The following MARCHF6 variants were observed in gnomAD, a reference collection of about 807,000 sequenced individuals.
MARCHF6 encodes E3 ubiquitin-protein ligase MARCHF6.
In MARCHF6, 31 loss-of-function variants were observed where a neutral mutation model predicts 133.7. The observed-to-expected ratio is 0.23, with a 90% confidence interval of 0.17 to 0.31. The LOEUF is 0.31. Ranked by LOEUF, MARCHF6 falls within the 10% of genes least tolerant of loss-of-function variation. The pLI, the probability that MARCHF6 is intolerant of heterozygous loss-of-function variation, is 1.00. For missense variants in MARCHF6, 723 were observed against 1,121.6 expected, an observed-to-expected ratio of 0.64 and a Z score of 5.08; for synonymous variants, 395 against 402.5, an observed-to-expected ratio of 0.98 and a Z score of 0.22.
At chr5:10,404,975 G>T (rs916054799) in intron 15 of MARCHF6, among the ~76,000 whole-genome samples, 5 of 152,094 alleles carry the variant, frequency 3.3e-5, no homozygotes, top group African/African-American at 1.2e-4. Flanking sequence ...GGTTTTTGTT[G>T]ATATAAAATT....
chr5:10,418,382 A>C lies in MARCHF6; in HGVS notation c.2283+978A>C, dbSNP rs1428232161. Reference sequence around the variant, plus strand: ...GCGACAAGAGTGAGACCCTGTCTCCAAAAAAAAAAAAAAAACCAAGAGCAT... The same window carrying C: ...GCGACAAGAGTGAGACCCTGTCTCCCAAAAAAAAAAAAAAACCAAGAGCAT... On this transcript the variant is annotated intron_variant, in intron 22 of 25. Transcript: ENST00000274140. 4.6e-5 allele frequency among the ~76,000 whole-genome samples: 4 copies of C among 86,344 alleles called. No individual in the cohort carries two copies. In the East Asian group the frequency reaches 8.4e-4, roughly 18 times the overall value. The allele number at this position is 86,344 out of a possible 152,430, so 56.6% of individuals were successfully genotyped here.
At chr5:10,406,817 G>A (rs1738919393) in intron 16 of MARCHF6, among the ~76,000 whole-genome samples, 2 of 152,186 alleles carry the variant, frequency 1.3e-5, no homozygotes, top group African/African-American at 2.4e-5. Flanking sequence ...CTCATTTTAA[G>A]TTTCCAGCTC....
chr5:10,402,604 C>A lies in MARCHF6; in HGVS notation c.1194C>A (p.Ser398=), dbSNP rs770437126. 2 of 1,611,744 alleles carry A rather than the reference C, an allele frequency of 1.2e-6. No individual in the cohort carries two copies. The highest frequency in any genetic ancestry group is 1.7e-6 in the Non-Finnish European group (2 of 1,178,050). Residue 398 remains serine, a synonymous_variant, in exon 14 of 26, where the codon TCC becomes TCA. Coordinates refer to ENST00000274140, the MANE Select transcript of MARCHF6 (RefSeq NM_005885.4). Reference sequence around the variant, plus strand: ...GTGGTTGGTGGCTGGATATCTGTTCCTTGGTAAGTTGAGTATTCATTATTG... The same window carrying A: ...GTGGTTGGTGGCTGGATATCTGTTCATTGGTAAGTTGAGTATTCATTATTG... The part of the protein sequence containing the change: ...LICGWWLDIC[S]LEMFDATLKD...
chr5:10,393,460 T>C (rs1179676402), intron 7 of MARCHF6, among the ~76,000 whole-genome samples: 1 of 152,122 alleles, frequency 6.6e-6, no homozygotes, highest in African/African-American at 2.4e-5. Flanking sequence ...AAAAAGCGAC[T>C]TGTGTAATGG....
rs1016972989 is a variant in MARCHF6, at chr5:10,434,090, T to C, written c.*406T>C. The C allele has an allele frequency of 5.5e-6, 1 of 180,560 alleles. No homozygotes were observed. The highest frequency in any genetic ancestry group is 2.4e-5 in the African/African-American group (1 of 41,830). 11.2% of individuals were successfully genotyped at this position (180,560 alleles called of 1,614,324 possible). A position where few individuals can be genotyped will look rare whatever the true frequency, so the allele number is the denominator to read the frequency against. The stretch of plus-strand genomic sequence containing the variant: ...TTCAGTGACGCCTTGTGGAACGCAG[T>C]TCATGATGTCCTAGCAGCTCTCACT... On this transcript the variant is annotated 3_prime_UTR_variant, in exon 26 of 26. Transcript: ENST00000274140.
chr5:10,409,990 G>T, intron 17 of MARCHF6, 149 bp from the exon 18 acceptor site: 1 of 816,448 alleles, frequency 1.2e-6, no homozygotes, highest in Non-Finnish European at 1.9e-6. Context: ...GGAGTTTGTG[G>T]GGAAAGCCTC....
intron 4 of MARCHF6, among the ~76,000 whole-genome samples, chr5:10,386,008 G>C (rs753385559): frequency 5.3e-5 from 8 of 151,396 alleles, no homozygotes; most frequent in Non-Finnish European, 8.8e-5. Context: ...TTCCATGTAC[G>C]TGAGTGTTGT....
rs141191909 is a variant in MARCHF6, at chr5:10,390,994, T to C, written c.576+494T>C. Among the ~76,000 whole-genome samples the C allele has an allele frequency of 2.0e-5, 3 of 152,358 alleles. No individual in the cohort carries two copies. The East Asian group carries it at 5.8e-4, about 29-fold the overall frequency. On this transcript the variant is annotated intron_variant, in intron 6 of 25. Coordinates refer to ENST00000274140, the MANE Select transcript of MARCHF6 (RefSeq NM_005885.4). ...TCCGCTAAATTATACTGAATGAATA[T>C]GTACACGTGTTATGAAGTGAGGTTG...
At chr5:10,430,148 A>T (rs1740294117) in intron 25 of MARCHF6, 120 bp downstream of exon 25, 4 of 1,191,774 alleles carry the variant, frequency 3.4e-6, no homozygotes, top group Non-Finnish European at 4.7e-6. Context: ...TGGAGGTGGG[A>T]TTAGCAAGGT....
chr5:10,361,149 A>G (rs1735798887), intron 1 of MARCHF6, among the ~76,000 whole-genome samples: 1 of 152,354 alleles, frequency 6.6e-6, no homozygotes, highest in South Asian at 2.1e-4. Flanking sequence ...AAAGAATGGA[A>G]AAGAAGAAAT....
chr5:10,365,837 T>C (rs929170782), intron 1 of MARCHF6, among the ~76,000 whole-genome samples: 1 of 152,208 alleles, frequency 6.6e-6, no homozygotes, highest in African/African-American at 2.4e-5. Flanking sequence ...TTTTGCATTT[T>C]CTTCTTTAGG....
chr5:10,420,342 G>C (rs2126316085), intron 22 of MARCHF6, among the ~76,000 whole-genome samples: 1 of 152,258 alleles, frequency 6.6e-6, no homozygotes, highest in Middle Eastern at 3.4e-3. Context: ...TAATTTGCAG[G>C]TATGTTACAT....
At chr5:10,410,043 T>G (rs1187746072) in intron 17 of MARCHF6, 96 bp from the exon 18 acceptor site, 1 of 1,265,702 alleles carries the variant, frequency 7.9e-7, no homozygotes, top group Admixed American at 1.9e-5. Flanking sequence ...ATAAAGACAG[T>G]AAGTTTATTA....
At chr5:10,391,436 GTTTTTTTTTTTT>G (rs35378319) in intron 6 of MARCHF6, 94 bp from the exon 7 acceptor site, 12 of 306,398 alleles carry the variant, frequency 3.9e-5, no homozygotes, top group African/African-American at 1.9e-4. Flanking sequence ...CCTGGCCTAG[GTTTTTTTTTTTT>G]TTTTTTTTTT....
intron 4 of MARCHF6, among the ~76,000 whole-genome samples, chr5:10,385,346 C>T (rs746213763): frequency 3.9e-5 from 6 of 152,126 alleles, no homozygotes; most frequent in Non-Finnish European, 8.8e-5. Context: ...TAACAAAACT[C>T]AAGGGCAAGT....
chr5:10,378,739 G>C lies in MARCHF6; in HGVS notation c.117-20G>C. 6.9e-7 allele frequency: 1 copy of C among 1,444,502 alleles called. No individual in the cohort carries two copies. Among genetic ancestry groups the C allele is most frequent in the Non-Finnish European group, 9.7e-7 (1 of 1,030,276 alleles). The allele number at this position is 1,444,502 out of a possible 1,614,324, so 89.5% of individuals were successfully genotyped here. On this transcript the variant is annotated intron_variant, in intron 2 of 25. Coordinates refer to ENST00000274140, the MANE Select transcript of MARCHF6 (RefSeq NM_005885.4). ...TCTTTGCTGTAAACACTGTACTTAT[G>C]AATCTATTTATAATTACAGCTTAGT... is the stretch of plus-strand genomic sequence containing the variant.
intron 21 of MARCHF6, among the ~76,000 whole-genome samples, chr5:10,416,867 G>A (rs369359684): frequency 2.3e-4 from 35 of 152,184 alleles, no homozygotes; most frequent in African/African-American, 7.7e-4. Flanking sequence ...ATTGGACCAT[G>A]TTGTTCTTTG....
intron 4 of MARCHF6, among the ~76,000 whole-genome samples, chr5:10,383,377 A>G (rs568274412): frequency 2.6e-5 from 4 of 152,234 alleles, no homozygotes; most frequent in Middle Eastern, 3.2e-3. Context: ...AAAGCTGACC[A>G]TGGTAAAGGA....
intron 1 of MARCHF6, among the ~76,000 whole-genome samples, chr5:10,361,749 A>T (rs1057358818): frequency 2.6e-5 from 4 of 151,896 alleles, no homozygotes; most frequent in African/African-American, 9.7e-5. Context: ...ATTTTTTATA[A>T]CTTAACTTCA....
Sources: allele counts gnomAD v4.1 joint callset (sites outside exome capture counted in the v4.1 genomes callset), GRCh38; gene constraint gnomAD v4.1.1; transcripts MANE v1.5; gene names NCBI Gene and HGNC (gene_info 2026-07-23, HGNC 2026-07-21).